Variants in ZBTB16 observed in about 807,000 individuals in gnomAD.
ZBTB16 encodes the protein zinc finger and BTB domain-containing protein 16.
Under a neutral mutation model 56.8 loss-of-function variants are expected in ZBTB16, and 8 were observed. The ratio of observed to expected loss-of-function variants is 0.14; its 90% confidence interval spans 0.08 to 0.25. The LOEUF (loss-of-function observed/expected upper bound fraction) is 0.25. Ranked by LOEUF, ZBTB16 falls within the 10% of genes least tolerant of loss-of-function variation. ZBTB16 has a pLI of 1.00. For synonymous variants in ZBTB16, 363 were observed against 368.5 expected, an observed-to-expected ratio of 0.98 and a Z score of 0.17; for missense variants, 625 against 903.0, an observed-to-expected ratio of 0.69 and a Z score of 3.95.
At chr11:114,180,016 C>T (rs1943209087) in intron 3 of ZBTB16, among the ~76,000 whole-genome samples, 1 of 152,160 alleles carries the variant, frequency 6.6e-6, no homozygotes, top group Non-Finnish European at 1.5e-5. Flanking sequence ...CCTTTGATTC[C>T]TGTGAGTTGG....
At chr11:114,079,863 C>T (rs1413110606) in intron 2 of ZBTB16, among the ~76,000 whole-genome samples, 1 of 152,142 alleles carries the variant, frequency 6.6e-6, no homozygotes, top group Non-Finnish European at 1.5e-5. Context: ...TGGCTGGACT[C>T]CCAGTGAGGA....
Position 114,059,799 on chromosome 11 carries a change from T to A in ZBTB16, c.-174T>A, listed in dbSNP as rs1938748457. 1.3e-5 allele frequency: 5 copies of A among 397,596 alleles called. No individual in the cohort carries two copies. Among genetic ancestry groups the A allele is most frequent in the Non-Finnish European group, 2.2e-5 (5 of 225,842 alleles). The allele number at this position is 397,596 out of a possible 1,614,324, so 24.6% of individuals were successfully genotyped here. On this transcript the variant is annotated 5_prime_UTR_variant, in exon 1 of 7. Transcript: ENST00000335953. The surrounding 1 kb of genome is among the most constrained non-coding windows in gnomAD (Gnocchi z 5.3). ...CCGCCGTGATACGGAGAGCAACAGT[T>A]CCCCAGCAACACCCCTCCCCGACAC...
rs755153784 is a variant in ZBTB16, at chr11:114,187,031, C to A, written c.1446C>A (p.Thr482=). The A allele has an allele frequency of 1.9e-6, 3 of 1,613,984 alleles. No homozygotes were observed. Among genetic ancestry groups the A allele is most frequent in the Admixed American group, 1.7e-5 (1 of 60,014 alleles). Residue 482 remains threonine, a synonymous_variant, in exon 4 of 7, where the codon ACC becomes ACA. Coordinates refer to ENST00000335953, the MANE Select transcript of ZBTB16 (RefSeq NM_006006.6). ...ATGCCCTGGAGACACACAGGCAGACCCATACTGGTGAGTTGACTTGGATTC... is the reference window on the plus strand; with the variant it reads ...ATGCCCTGGAGACACACAGGCAGACACATACTGGTGAGTTGACTTGGATTC... ...KEDALETHRQ[T]HTGTDMAVFC...
At position 114,214,605 on chromosome 11, in the gene ZBTB16, TTTG is replaced by T. The variant is rs1022778165; in HGVS notation, c.1454-27550_1454-27548del. Among the ~76,000 whole-genome samples, 5 of 152,160 alleles carry T rather than the reference TTTG, an allele frequency of 3.3e-5. No homozygotes were observed. The East Asian group carries it at 7.7e-4, about 24-fold the overall frequency. ...TATTTGGGGGCTTTTTTTTGGCTTT[TTTG>T]TTGTTGTTGTTTTGAGACAGGGTCT... On this transcript the variant is annotated intron_variant, in intron 4 of 6. Transcript: ENST00000335953.
At position 114,119,345 on chromosome 11, in the gene ZBTB16, T is replaced by C. The variant is rs937192395; in HGVS notation, c.1269-36992T>C. Among the ~76,000 whole-genome samples, 20 of 147,470 alleles carry C rather than the reference T, an allele frequency of 1.4e-4. No homozygotes were observed. The East Asian group carries it at 1.5e-3, about 11-fold the overall frequency. On this transcript the variant is annotated intron_variant, in intron 2 of 6. Transcript: ENST00000335953. ...TTGTATACGAGTTTGTGTGTGTGTG[T>C]GCGCGCGTGTGTGTGTGTGTTTGTG...
chr11:114,140,839 T>C (rs1941925809), intron 2 of ZBTB16, among the ~76,000 whole-genome samples: 1 of 152,230 alleles, frequency 6.6e-6, no homozygotes, highest in East Asian at 1.9e-4. Context: ...TCTGGAAGGC[T>C]GACCTAACTA....
chr11:114,137,619 G>A (rs1034601898), intron 2 of ZBTB16, among the ~76,000 whole-genome samples: 3 of 152,150 alleles, frequency 2.0e-5, no homozygotes, highest in East Asian at 1.9e-4. Flanking sequence ...GGCTTCCAGC[G>A]AGACAATTAG....
chr11:114,175,310 T>C (rs932888487), intron 3 of ZBTB16, among the ~76,000 whole-genome samples: 3 of 152,222 alleles, frequency 2.0e-5, no homozygotes, highest in South Asian at 4.1e-4. Context: ...GCTGCTGCCA[T>C]AGTGTTGACA....
chr11:114,129,478 G>C (rs1941604608), intron 2 of ZBTB16, among the ~76,000 whole-genome samples: 1 of 152,190 alleles, frequency 6.6e-6, no homozygotes, highest in African/African-American at 2.4e-5. Context: ...TTTGCTTCCT[G>C]CCTTACGCAG....
At chr11:114,115,591 G>C (rs1591680903) in intron 2 of ZBTB16, among the ~76,000 whole-genome samples, 1 of 151,988 alleles carries the variant, frequency 6.6e-6, no homozygotes. Context: ...CTCCCAGTGG[G>C]GTACTGGGTG....
intron 2 of ZBTB16, among the ~76,000 whole-genome samples, chr11:114,145,400 G>A (rs1212404312): frequency 6.6e-6 from 1 of 152,138 alleles, no homozygotes; most frequent in Non-Finnish European, 1.5e-5. Context: ...ATAGCCAAAA[G>A]GTCAAAACAA....
intron 4 of ZBTB16, among the ~76,000 whole-genome samples, chr11:114,208,758 C>T (rs1943939161): frequency 6.6e-6 from 1 of 152,134 alleles, no homozygotes; most frequent in Non-Finnish European, 1.5e-5. Context: ...AGCAAGTTAA[C>T]CACTATTGTT....
In ZBTB16 at chr11:114,072,228, C is replaced by G. The variant is rs115059028; in HGVS notation, c.1268+7660C>G. Among the ~76,000 whole-genome samples the G allele has an allele frequency of 5.1e-3, 775 of 152,370 alleles. 7 individuals carry two copies. Among genetic ancestry groups the G allele is most frequent in the African/African-American group, 0.018 (733 of 41,582 alleles). The stretch of plus-strand genomic sequence containing the variant: ...TGTAAAACTGCTGCCTCGGGCACCT[C>G]ATGTTTGGGGCTGAGACATTGCTTC... On this transcript the variant is annotated intron_variant, in intron 2 of 6. Transcript: ENST00000335953.
At chr11:114,097,787 C>G (rs76021832) in intron 2 of ZBTB16, among the ~76,000 whole-genome samples, 10 of 152,264 alleles carry the variant, frequency 6.6e-5, no homozygotes, top group African/African-American at 2.2e-4. Flanking sequence ...GAGACATTCT[C>G]TAGTTGACCT....
At position 114,064,653 on chromosome 11, in the gene ZBTB16, G is replaced by C; in HGVS notation, c.1268+85G>C. On this transcript the variant is annotated intron_variant, in intron 2 of 6. Coordinates refer to ENST00000335953, the MANE Select transcript of ZBTB16 (RefSeq NM_006006.6). The surrounding 1 kb of genome is among the most constrained non-coding windows in gnomAD (Gnocchi z 4.2). ...CACACCCTGGCTGCTCCCAAGTTAG[G>C]GGCCTGGCTCCCCTGTCTTGGCAAT... is the stretch of plus-strand genomic sequence containing the variant. 1 of 1,532,330 alleles carries C rather than the reference G, an allele frequency of 6.5e-7. No individual in the cohort carries two copies. Among genetic ancestry groups the C allele is most frequent in the Admixed American group, 1.9e-5 (1 of 53,872 alleles). The allele number at this position is 1,532,330 out of a possible 1,614,324, so 94.9% of individuals were successfully genotyped here. A position where few individuals can be genotyped will look rare whatever the true frequency, so the allele number is the denominator to read the frequency against.
At chr11:114,116,275 AT>A (rs749528024) in intron 2 of ZBTB16, among the ~76,000 whole-genome samples, 17 of 152,340 alleles carry the variant, frequency 1.1e-4, no homozygotes, top group Non-Finnish European at 2.4e-4. Context: ...TCATGACTTT[AT>A]GAAATTTTAA....
chr11:114,067,701 T>G (rs1370107418), intron 2 of ZBTB16, among the ~76,000 whole-genome samples: 2 of 152,124 alleles, frequency 1.3e-5, no homozygotes, highest in Non-Finnish European at 2.9e-5. Flanking sequence ...GCCACCCTGC[T>G]GGGCCGAGAA....
intron 4 of ZBTB16, among the ~76,000 whole-genome samples, chr11:114,190,066 G>A (rs983125505): frequency 6.6e-6 from 1 of 152,196 alleles, no homozygotes; most frequent in Non-Finnish European, 1.5e-5. Flanking sequence ...AAAGAAGCCA[G>A]ATGCAAAATG....
chr11:114,170,226 G>A (rs1238686394), intron 3 of ZBTB16, among the ~76,000 whole-genome samples: 1 of 152,206 alleles, frequency 6.6e-6, no homozygotes, highest in Non-Finnish European at 1.5e-5. Context: ...TATGTTACGA[G>A]TACCTAGAAC....
Sources: allele counts gnomAD v4.1 joint callset (sites outside exome capture counted in the v4.1 genomes callset), GRCh38; gene constraint gnomAD v4.1.1; non-coding constraint Gnocchi (gnomAD v3.1); transcripts MANE v1.5; gene names NCBI Gene and HGNC (gene_info 2026-07-23, HGNC 2026-07-21).